Variants in NR6A1 observed in about 807,000 individuals in gnomAD.
NR6A1 encodes retinoic acid receptor-related testis-associated receptor.
Under a neutral mutation model 59.1 loss-of-function variants are expected in NR6A1, and 7 were observed. The ratio of observed to expected loss-of-function variants is 0.12; its 90% CI spans 0.07 to 0.22. NR6A1 has a LOEUF of 0.22. Ranked by LOEUF, NR6A1 falls within the 10% of genes least tolerant of loss-of-function variation. NR6A1 has a pLI of 1.00. For missense variants in NR6A1, 468 were observed against 611.6 expected, an observed-to-expected ratio of 0.77 and a Z score of 2.48; for synonymous variants, 243 against 236.1, an observed-to-expected ratio of 1.03 and a Z score of -0.27.
intron 2 of NR6A1, among the ~76,000 whole-genome samples, chr9:124,725,294 C>A (rs1188874774): frequency 6.6e-6 from 1 of 152,016 alleles, no homozygotes; most frequent in Non-Finnish European, 1.5e-5. Context: ...ACATTGGACT[C>A]CAGGAAGTCC....
intron 2 of NR6A1, among the ~76,000 whole-genome samples, chr9:124,722,400 C>T (rs1839587981): frequency 2.6e-5 from 4 of 152,074 alleles, no homozygotes; most frequent in Non-Finnish European, 5.9e-5. Context: ...TTTCTGAGAC[C>T]AAAAATTGTG....
At chr9:124,679,882 G>A (rs941077592) in intron 2 of NR6A1, among the ~76,000 whole-genome samples, 2 of 147,284 alleles carry the variant, frequency 1.4e-5, no homozygotes, top group African/African-American at 5.0e-5. Context: ...GGACAACGGA[G>A]AGAGGTTCCA....
chr9:124,723,098 C>T (rs1839609425), intron 2 of NR6A1, among the ~76,000 whole-genome samples: 1 of 151,866 alleles, frequency 6.6e-6, no homozygotes, highest in South Asian at 2.1e-4. Flanking sequence ...ATTTATTATA[C>T]ACATTATATA....
At chr9:124,541,593 C>T (rs1009319553) in intron 4 of NR6A1, among the ~76,000 whole-genome samples, 8 of 152,164 alleles carry the variant, frequency 5.3e-5, no homozygotes, top group African/African-American at 1.9e-4. Flanking sequence ...GAATGTAAAA[C>T]GGTGCAACCA....
chr9:124,761,896 A>G (rs1160824714), intron 1 of NR6A1, among the ~76,000 whole-genome samples: 1 of 152,256 alleles, frequency 6.6e-6, no homozygotes, highest in East Asian at 1.9e-4. Flanking sequence ...AACAGGTTTC[A>G]TGTAGCAGGT....
At chr9:124,570,247 C>T (rs1348424105) in intron 2 of NR6A1, among the ~76,000 whole-genome samples, 3 of 152,054 alleles carry the variant, frequency 2.0e-5, no homozygotes, top group African/African-American at 7.3e-5. Flanking sequence ...TTTCCCCTTT[C>T]CCCTCCAGCC....
At chr9:124,611,856 G>A (rs1178606542) in intron 2 of NR6A1, among the ~76,000 whole-genome samples, 1 of 151,958 alleles carries the variant, frequency 6.6e-6, no homozygotes, top group African/African-American at 2.4e-5. Context: ...GTGCTAAGCT[G>A]GGGATGGGTA....
At chr9:124,631,144 T>C (rs1304035133) in intron 2 of NR6A1, among the ~76,000 whole-genome samples, 6 of 152,214 alleles carry the variant, frequency 3.9e-5, no homozygotes, top group Non-Finnish European at 8.8e-5. Flanking sequence ...ATGTTTGTTA[T>C]GAACAGTTTT....
chr9:124,719,792 C>T (rs1329500511), intron 2 of NR6A1, among the ~76,000 whole-genome samples: 1 of 151,936 alleles, frequency 6.6e-6, no homozygotes, highest in East Asian at 2.0e-4. Context: ...CGGTAATGCG[C>T]GCCTATAGTC....
At chr9:124,638,905 C>T (rs1430603862) in intron 2 of NR6A1, among the ~76,000 whole-genome samples, 2 of 152,104 alleles carry the variant, frequency 1.3e-5, no homozygotes, top group African/African-American at 2.4e-5. Flanking sequence ...CCATACTATT[C>T]AAGATACAAG....
chr9:124,534,750 T>C (rs1207390880), intron 7 of NR6A1, among the ~76,000 whole-genome samples: 1 of 152,186 alleles, frequency 6.6e-6, no homozygotes, highest in East Asian at 1.9e-4. Flanking sequence ...GGAAAGTCTC[T>C]CTGAATTTCA....
intron 2 of NR6A1, among the ~76,000 whole-genome samples, chr9:124,619,345 C>A (rs755489826): frequency 6.6e-6 from 1 of 152,120 alleles, no homozygotes; most frequent in Non-Finnish European, 1.5e-5. Context: ...CTCAATGCAA[C>A]CTCCGCCTCC....
intron 1 of NR6A1, among the ~76,000 whole-genome samples, chr9:124,742,537 G>A (rs995385392): frequency 2.0e-5 from 3 of 150,142 alleles, no homozygotes; most frequent in African/African-American, 7.4e-5. Flanking sequence ...TCCAGCCTGG[G>A]CAGGAAGAGC....
intron 2 of NR6A1, among the ~76,000 whole-genome samples, chr9:124,702,139 T>C (rs1165735999): frequency 2.6e-5 from 4 of 152,242 alleles, no homozygotes; most frequent in African/African-American, 7.2e-5. Flanking sequence ...AATTCATCAA[T>C]GAATTTCTTT....
chr9:124,614,041 T>A lies in NR6A1; in HGVS notation c.143-59471A>T, dbSNP rs773849774. On this transcript the variant is annotated intron_variant, in intron 2 of 9. Transcript: ENST00000487099. ...AAACAAATAAGGGAAGTCCTACAAA[T>A]ACCCACCGAAGCCCTGAGTTTCCAG... Among the ~76,000 whole-genome samples, 102 of 152,044 alleles carry A rather than the reference T, an allele frequency of 6.7e-4. No homozygotes were observed. The Middle Eastern group carries it at 0.01, about 15-fold the overall frequency.
chr9:124,685,522 G>T (rs1452876826), intron 2 of NR6A1, among the ~76,000 whole-genome samples: 1 of 152,156 alleles, frequency 6.6e-6, no homozygotes, highest in Non-Finnish European at 1.5e-5. Context: ...TAGAGATGGG[G>T]TCTCCTTATG....
chr9:124,745,442 C>A (rs1160538881), intron 1 of NR6A1, among the ~76,000 whole-genome samples: 1 of 152,078 alleles, frequency 6.6e-6, no homozygotes, highest in Admixed American at 6.5e-5. Context: ...GAGGCTGAGG[C>A]GGGCAGATCA....
At chr9:124,678,354 G>A (rs12344901) in intron 2 of NR6A1, among the ~76,000 whole-genome samples, 1,800 of 152,218 alleles carry the variant, frequency 0.012, 33 homozygotes, top group African/African-American at 0.041. Flanking sequence ...ATCACCCTTC[G>A]TTAACTGTAG....
intron 2 of NR6A1, among the ~76,000 whole-genome samples, chr9:124,695,444 G>A (rs893468780): frequency 3.3e-5 from 5 of 151,910 alleles, no homozygotes; most frequent in East Asian, 3.9e-4. Context: ...ATGCGATCTC[G>A]GCTCACTGCA....
Sources: gnomAD v4.1 joint callset for allele counts (sites outside exome capture counted in the v4.1 genomes callset) on GRCh38, gnomAD v4.1.1 for gene constraint, MANE v1.5 for transcripts, NCBI Gene and HGNC (gene_info 2026-07-23, HGNC 2026-07-21) for gene names.